WDR45: variants seen among roughly 807,000 people sequenced by gnomAD.
WDR45 encodes the protein WD repeat domain phosphoinositide-interacting protein 4.
In WDR45, 2 loss-of-function variants were observed where a neutral mutation model predicts 27.3. That is an observed-to-expected ratio of 0.07 (90% CI 0.03 to 0.23). WDR45 has a LOEUF of 0.23. WDR45 is among the 10% of genes least tolerant of loss of function. The probability of loss-of-function intolerance (pLI) is 1.00; values close to 1 mark genes in which losing one functional copy is unlikely to be tolerated. For missense variants in WDR45, 175 were observed against 311.9 expected (o/e 0.56, Z 3.31); for synonymous variants, 99 against 119.2 (o/e 0.83, Z 1.11).
chrX:49,091,678 A>G (rs1340285869), intron 2 of WDR45, among the ~76,000 whole-genome samples: 1 of 77,225 alleles, frequency 1.3e-5, no homozygotes, highest in South Asian at 1.0e-3. Flanking sequence ...GAACCCGGGA[A>G]GCGGAGCTTG....
upstream of WDR45, among the ~76,000 whole-genome samples, chrX:49,082,375 G>T (rs1278870647): frequency 9.0e-6 from 1 of 111,099 alleles, no homozygotes; most frequent in African/African-American, 3.3e-5. Context: ...CCCAACTGAT[G>T]GCTGCCTAGG....
Position 49,074,923 on chromosome X carries a change from G to C in WDR45, c.974-11C>G, listed in dbSNP as rs782577582. 3.4e-6 allele frequency: 4 copies of C among 1,188,116 alleles called. No individual in the cohort carries two copies. Among genetic ancestry groups the C allele is most frequent in the Non-Finnish European group, 4.6e-6 (4 of 873,682 alleles). On this transcript the variant is annotated splice_polypyrimidine_tract_variant and intron_variant, in intron 10 of 10. Coordinates refer to ENST00000376372, the MANE Select transcript of WDR45 (RefSeq NM_001029896.2). ...CATCTACGCAGATGGCTGGGGGAGG[G>C]GGGGTGGTAAAAGGTCAGAGGCTGC...
chrX:49,091,131 CT>C (rs1376092801), intron 2 of WDR45, among the ~76,000 whole-genome samples: 5 of 110,111 alleles, frequency 4.5e-5, no homozygotes, highest in Non-Finnish European at 9.5e-5. Flanking sequence ...CTTCCAATAA[CT>C]TTTATAGAGT....
At position 49,075,558 on chromosome X, in the gene WDR45, C is replaced by T; in HGVS notation, c.712G>A (p.Ala238Thr). The T allele has an allele frequency of 8.3e-7, 1 of 1,211,818 alleles. No homozygotes were observed. Among genetic ancestry groups the T allele is most frequent in the Non-Finnish European group, 1.1e-6 (1 of 895,496 alleles). Residue 238 changes from alanine to threonine, a missense_variant, in exon 8 of 11, where the codon GCC becomes ACC. Ala to Thr is a moderately conservative substitution (Grantham distance 58). Around this residue, in one of 3 missense-constraint regions of WDR45, gnomAD observed 71 missense variants for 123.0 expected, o/e 0.58. Coordinates refer to ENST00000376372, the MANE Select transcript of WDR45 (RefSeq NM_001029896.2). ...LVELRRGTDP[A>T]TLYCINFSHD... ...CCCTGTGCTCACCAGTAGAGGGTGG[C>T]AGGGTCAGTGCCTCGGCGCAGCTCC... is the stretch of plus-strand genomic sequence containing the variant.
chrX:49,098,389 G>A (rs1465827678), intron 2 of WDR45, among the ~76,000 whole-genome samples: 2 of 108,963 alleles, frequency 1.8e-5, no homozygotes, highest in Admixed American at 9.9e-5. Context: ...CCATCTACTC[G>A]GGAGGCTAAG....
chrX:49,101,146 A>T (rs1158224806), upstream of WDR45: 1 of 112,228 alleles, frequency 8.9e-6, no homozygotes, highest in Admixed American at 9.4e-5. Context: ...TAAAAGCACG[A>T]CTTTCCCGGA....
chrX:49,083,316 G>GTTT (rs781995765), upstream of WDR45, among the ~76,000 whole-genome samples: 44 of 72,002 alleles, frequency 6.1e-4, 2 homozygotes, highest in African/African-American at 1.4e-3. Flanking sequence ...CCGGCCTCTC[G>GTTT]TTTTTTTTTT....
chrX:49,077,762 G>A lies in WDR45; in HGVS notation c.131-15C>T. The A allele has an allele frequency of 4.2e-6, 5 of 1,199,905 alleles. No homozygotes were observed. The highest frequency in any genetic ancestry group is 5.6e-6 in the Non-Finnish European group (5 of 888,435). On this transcript the variant is annotated splice_polypyrimidine_tract_variant and intron_variant, in intron 3 of 10. Coordinates refer to ENST00000376372, the MANE Select transcript of WDR45 (RefSeq NM_001029896.2). Reference sequence around the variant, plus strand: ...CTGCTCGTGGTCTGGACAGGGACCAGGGTGTCAGTGGAGGTGGGAGCCAAC... The same window carrying A: ...CTGCTCGTGGTCTGGACAGGGACCAAGGTGTCAGTGGAGGTGGGAGCCAAC...
intron 2 of WDR45, among the ~76,000 whole-genome samples, chrX:49,098,737 G>A (rs782286921): frequency 9.0e-6 from 1 of 110,606 alleles, no homozygotes; most frequent in African/African-American, 3.3e-5. Flanking sequence ...AGCACAGGCT[G>A]TCCAGACTGC....
intron 2 of WDR45, among the ~76,000 whole-genome samples, chrX:49,094,927 T>G (rs1471410842): frequency 9.1e-6 from 1 of 110,164 alleles, no homozygotes; most frequent in Non-Finnish European, 1.9e-5. Flanking sequence ...TAGCTGGGAT[T>G]ACAGGCATGC....
Position 49,076,645 on chromosome X carries a change from T to C in WDR45, c.341A>G (p.Lys114Arg), listed in dbSNP as rs2065039596. Residue 114 changes from lysine to arginine, a missense_variant and splice_region_variant, in exon 5 of 11, where the codon AAG becomes AGG. By Grantham distance (26) the Lys-to-Arg change is conservative (BLOSUM62 2). Around this residue, in one of 3 missense-constraint regions of WDR45, gnomAD observed 102 missense variants for 165.4 expected, o/e 0.62. Transcript: ENST00000376372. ...CCACCCCGGTCCTCCTCAGGCTCAC[T>C]TGTCATGGCGCATGCGCACAGAAAG... ...PVLSVRMRHD[K>R]IVIVLKNRIY... is the part of the protein sequence containing the mutation. The C allele has an allele frequency of 1.7e-6, 2 of 1,208,235 alleles. No homozygotes were observed. Among genetic ancestry groups the C allele is most frequent in the African/African-American group, 1.7e-5 (1 of 57,422 alleles).
At chrX:49,098,987 A>G (rs2065135728) in intron 2 of WDR45, among the ~76,000 whole-genome samples, 1 of 111,892 alleles carries the variant, frequency 8.9e-6, no homozygotes, top group African/African-American at 3.2e-5. Flanking sequence ...GTATTATACA[A>G]AAGTGAAGTA....
chrX:49,086,500 G>C (rs1181347160), intron 2 of WDR45, among the ~76,000 whole-genome samples: 1 of 111,572 alleles, frequency 9.0e-6, no homozygotes, highest in Non-Finnish European at 1.9e-5. Flanking sequence ...GGTGGGTGGA[G>C]GATGTGACTG....
chrX:49,084,925 G>A (rs938457894), intron 2 of WDR45, among the ~76,000 whole-genome samples: 2 of 111,692 alleles, frequency 1.8e-5, no homozygotes, highest in Non-Finnish European at 1.9e-5. Flanking sequence ...GTGAGCCACC[G>A]CGCCCGGCTG....
chrX:49,087,638 AG>A (rs1288747276), intron 2 of WDR45, among the ~76,000 whole-genome samples: 41 of 112,696 alleles, frequency 3.6e-4, no homozygotes, highest in African/African-American at 1.1e-3. Context: ...CAGGGGAACC[AG>A]GAGGAACTAG....
intron 2 of WDR45, among the ~76,000 whole-genome samples, chrX:49,090,864 C>G (rs1162593553): frequency 9.6e-6 from 1 of 104,547 alleles, no homozygotes; most frequent in Admixed American, 1.0e-4. Context: ...GACGGAGTCT[C>G]GCTCTGTCAC....
upstream of WDR45, among the ~76,000 whole-genome samples, chrX:49,082,508 C>T (rs782206956): frequency 9.0e-6 from 1 of 111,024 alleles, no homozygotes; most frequent in Admixed American, 9.7e-5. Flanking sequence ...ATCTGGCTTT[C>T]TTCAGACTCC....
chrX:49,077,135 C>T (rs2065042592), intron 4 of WDR45: 1 of 197,303 alleles, frequency 5.1e-6, no homozygotes, highest in Admixed American at 7.0e-5. Context: ...CTCTGTGACT[C>T]ACCTAGGGCA....
intron 2 of WDR45, among the ~76,000 whole-genome samples, chrX:49,087,354 G>A (rs964764596): frequency 8.4e-5 from 9 of 107,369 alleles, no homozygotes; most frequent in African/African-American, 1.7e-4. Context: ...GCAAAACTGC[G>A]TCTCAAAAAA....
Sources: gnomAD v4.1 joint callset for allele counts (sites outside exome capture counted in the v4.1 genomes callset) on GRCh38, gnomAD v4.1.1 for gene constraint, gnomAD v4.1.1 regional missense constraint, MANE v1.5 for transcripts, NCBI Gene and HGNC (gene_info 2026-07-23, HGNC 2026-07-21) for gene names.